JMY: variants seen among roughly 807,000 people sequenced by gnomAD.
JMY encodes junction-mediating and -regulatory protein.
JMY carries 46 observed loss-of-function variants against 103.3 expected under a neutral mutation model. The observed-to-expected ratio is 0.45, with a 90% CI of 0.35 to 0.57. The LOEUF (loss-of-function observed/expected upper bound fraction) is 0.57, where lower values mean the gene tolerates loss of function less well. JMY is among the 20% of genes least tolerant of loss of function. The probability of loss-of-function intolerance (pLI) is 0.00; values close to 1 mark genes in which losing one functional copy is unlikely to be tolerated. For missense variants in JMY, 1,238 were observed against 1,255.2 expected (o/e 0.99, Z 0.21); for synonymous variants, 526 against 489.3 (o/e 1.07, Z -0.99).
chr5:79,323,658 C>T lies in JMY; in HGVS notation c.*2056C>T, dbSNP rs944877640. 7.9e-5 allele frequency: 12 copies of T among 152,214 alleles called. No homozygotes were observed. The East Asian group carries it at 9.6e-4, about 12-fold the overall frequency. The allele number at this position is 152,214 out of a possible 1,614,324, so 9.4% of individuals were successfully genotyped here. On this transcript the variant is annotated 3_prime_UTR_variant, in exon 11 of 11. Coordinates refer to ENST00000396137, the MANE Select transcript of JMY (RefSeq NM_152405.5). The stretch of plus-strand genomic sequence containing the variant: ...TCATTTATTCAAATTCAGAAAAATA[C>T]GGACGGATCTAATGTTAAATTAACC...
intron 1 of JMY, among the ~76,000 whole-genome samples, chr5:79,261,207 C>G (rs1451804131): frequency 2.0e-5 from 3 of 152,040 alleles, no homozygotes; most frequent in African/African-American, 7.2e-5. Flanking sequence ...TCATAGTGAG[C>G]TCCAAGATCT....
At chr5:79,305,215 G>A (rs1746843871) in intron 6 of JMY, among the ~76,000 whole-genome samples, 1 of 152,166 alleles carries the variant, frequency 6.6e-6, no homozygotes, top group Admixed American at 6.5e-5. Flanking sequence ...ACTTTGGGAG[G>A]TCAAGGTGGG....
At chr5:79,270,577 ATTTACAT>A (rs1427814373) in intron 1 of JMY, among the ~76,000 whole-genome samples, 17,673 of 101,728 alleles carry the variant, frequency 0.17, 5,415 homozygotes, top group Non-Finnish European at 0.23. Context: ...TAAAATGTAT[ATTTACAT>A]AAATATTTAA....
chr5:79,244,926 A>G (rs748105024), intron 1 of JMY, among the ~76,000 whole-genome samples: 5 of 151,722 alleles, frequency 3.3e-5, no homozygotes, highest in African/African-American at 4.8e-5. Context: ...TTAACACAGC[A>G]TATCTAAGTT....
At position 79,237,119 on chromosome 5, in the gene JMY, G is replaced by A; in HGVS notation, c.469G>A (p.Ala157Thr). Residue 157 changes from alanine (A) to threonine (T), a missense_variant, in exon 1 of 11, where the codon GCC becomes ACC. By Grantham distance (58) the Ala-to-Thr change is moderately conservative (BLOSUM62 0). Transcript: ENST00000396137. ...CATCCCGGGTCAGAAAACATCTGAA[G>A]CCGACGATGCGGCGGGGGCAGCCGC... ...KPIPGQKTSE[A>T]DDAAGAAAAA... 6.5e-7 allele frequency: 1 copy of A among 1,548,938 alleles called. No individual in the cohort carries two copies. Among genetic ancestry groups the A allele is most frequent in the Non-Finnish European group, 8.7e-7 (1 of 1,146,008 alleles).
At chr5:79,297,993 G>T (rs1345204739) in intron 4 of JMY, among the ~76,000 whole-genome samples, 1 of 152,200 alleles carries the variant, frequency 6.6e-6, no homozygotes, top group African/African-American at 2.4e-5. Flanking sequence ...TGCAGTCAGA[G>T]TACTGTTCTC....
chr5:79,266,273 A>G (rs1038129864), intron 1 of JMY, among the ~76,000 whole-genome samples: 4 of 152,226 alleles, frequency 2.6e-5, no homozygotes, highest in Non-Finnish European at 5.9e-5. Context: ...TGTTTGGTTC[A>G]CCATTGTGTC....
intron 7 of JMY, 87 bp from the exon 8 acceptor site, chr5:79,312,316 C>T: frequency 2.7e-6 from 2 of 729,990 alleles, no homozygotes; most frequent in Non-Finnish European, 4.2e-6. Flanking sequence ...CCCTTTGGCC[C>T]ACATTAGGAT....
intron 7 of JMY, among the ~76,000 whole-genome samples, chr5:79,310,521 T>G (rs1311980459): frequency 6.6e-6 from 1 of 152,172 alleles, no homozygotes; most frequent in Non-Finnish European, 1.5e-5. Context: ...TTAGCTTAGA[T>G]CAAAATAGAT....
At chr5:79,317,480 CAGT>C (rs1318765369) in intron 10 of JMY, among the ~76,000 whole-genome samples, 1 of 151,942 alleles carries the variant, frequency 6.6e-6, no homozygotes, top group Non-Finnish European at 1.5e-5. Flanking sequence ...ATAAATTAAA[CAGT>C]ATATCAAATT....
intron 7 of JMY, among the ~76,000 whole-genome samples, chr5:79,308,979 T>C (rs1194575423): frequency 6.6e-6 from 1 of 152,194 alleles, no homozygotes; most frequent in Non-Finnish European, 1.5e-5. Flanking sequence ...GTATTATGTT[T>C]TTAATTGAAA....
chr5:79,278,152 T>C (rs1746000101), intron 2 of JMY, 69 bp downstream of exon 2: 1 of 1,093,368 alleles, frequency 9.1e-7, no homozygotes, highest in African/African-American at 1.6e-5. Context: ...GGCCATGCGT[T>C]ATCCACAAGA....
At chr5:79,305,418 A>T (rs1746851368) in intron 6 of JMY, among the ~76,000 whole-genome samples, 1 of 151,552 alleles carries the variant, frequency 6.6e-6, no homozygotes, top group Non-Finnish European at 1.5e-5. Flanking sequence ...ATGCCACCAC[A>T]CTCCAGCCTG....
At chr5:79,266,635 T>G (rs1745595183) in intron 1 of JMY, among the ~76,000 whole-genome samples, 1 of 152,220 alleles carries the variant, frequency 6.6e-6, no homozygotes, top group Non-Finnish European at 1.5e-5. Context: ...AATAAATTAC[T>G]GTTAACTATA....
At chr5:79,301,704 T>A (rs1746738057) in intron 6 of JMY, among the ~76,000 whole-genome samples, 1 of 152,188 alleles carries the variant, frequency 6.6e-6, no homozygotes, top group South Asian at 2.1e-4. Context: ...GTGCCTTTGC[T>A]ATTTCCCCGT....
chr5:79,277,473 A>ATAT lies in JMY; in HGVS notation c.1033-437_1033-436insTAT, dbSNP rs756622504. On this transcript the variant is annotated intron_variant, in intron 1 of 10. Transcript: ENST00000396137. ...GAGACCCCGTCTCTACAAAAAAAAA[A>ATAT]AAATATATACAATAACTAGCCAGGT... Among the ~76,000 whole-genome samples the ATAT allele has an allele frequency of 1.1e-3, 169 of 151,666 alleles. 1 individual carries two copies. The highest frequency in any genetic ancestry group is 3.4e-3 in the African/African-American group (141 of 41,180).
chr5:79,320,857 A>G (rs1459981383), intron 10 of JMY, among the ~76,000 whole-genome samples: 2 of 152,228 alleles, frequency 1.3e-5, no homozygotes, highest in African/African-American at 4.8e-5. Context: ...AATTCAGTGT[A>G]TGTTTTATAT....
At chr5:79,280,268 A>G (rs1561302142) in intron 2 of JMY, among the ~76,000 whole-genome samples, 1 of 152,246 alleles carries the variant, frequency 6.6e-6, no homozygotes, top group South Asian at 2.1e-4. Flanking sequence ...TTTAGCAGAC[A>G]TAATCTCTAT....
intron 2 of JMY, among the ~76,000 whole-genome samples, 184 bp downstream of exon 2, chr5:79,278,267 C>T (rs1266861968): frequency 6.6e-6 from 1 of 151,906 alleles, no homozygotes; most frequent in African/African-American, 2.4e-5. Flanking sequence ...TCTAAAGCAC[C>T]TCAAAAGGCA....
Sources: allele counts gnomAD v4.1 joint callset (sites outside exome capture counted in the v4.1 genomes callset), GRCh38; gene constraint gnomAD v4.1.1; transcripts MANE v1.5; gene names NCBI Gene and HGNC (gene_info 2026-07-23, HGNC 2026-07-21).